GGA3: variants seen among roughly 807,000 people sequenced by gnomAD.
GGA3 encodes ADP-ribosylation factor-binding protein GGA3.
Under a neutral mutation model 77.5 loss-of-function variants are expected in GGA3, and 57 were observed. The observed-to-expected ratio is 0.74, with a 90% CI of 0.59 to 0.92. The LOEUF (loss-of-function observed/expected upper bound fraction) is 0.92. Ranked by LOEUF, GGA3 falls within the 40% of genes least tolerant of loss-of-function variation. GGA3 has a pLI of 0.00. For synonymous variants in GGA3, 416 were observed against 383.7 expected (o/e 1.08, Z -0.98); for missense variants, 970 against 914.9 (o/e 1.06, Z -0.78).
chr17:75,240,592 G>C (rs1260882911), intron 11 of GGA3, 180 bp from the exon 12 acceptor site: 1 of 657,758 alleles, frequency 1.5e-6, no homozygotes, highest in Non-Finnish European at 2.6e-6. Flanking sequence ...TGCAGAAGCG[G>C]GGGGCCTGTG....
At position 75,243,542 on chromosome 17, in the gene GGA3, A is replaced by G; in HGVS notation, c.329T>C (p.Val110Ala). ...KYLGDRVSEK[V>A]KTKVIELLYS... The stretch of plus-strand genomic sequence containing the variant: ...CAGCAGCTCAATAACCTTGGTCTTC[A>G]CTTTCTCAGACACCCTGTCCCCCAG... The change falls in exon 5 of 17, where the codon GTG (valine) becomes GCG (alanine). Residue 110 changes from valine (V) to alanine (A), a missense_variant. By Grantham distance (64) the Val-to-Ala change is moderately conservative (BLOSUM62 0). Coordinates refer to ENST00000537686, the MANE Select transcript of GGA3 (RefSeq NM_138619.4). 6.2e-7 allele frequency: 1 copy of G among 1,614,020 alleles called. No individual in the cohort carries two copies.
upstream of GGA3, chr17:75,262,324 G>A: frequency 1.3e-6 from 1 of 767,278 alleles, no homozygotes; most frequent in African/African-American, 1.7e-5. Context: ...GCCTGCTTGG[G>A]GAATGTCCTC....
chr17:75,261,943 C>T (rs772064367), upstream of GGA3: 2 of 1,608,630 alleles, frequency 1.2e-6, no homozygotes, highest in Non-Finnish European at 1.7e-6. Flanking sequence ...ATGGTCGGGC[C>T]TGGCGTTGGG....
At chr17:75,242,667 G>A (rs535019906) in intron 7 of GGA3, among the ~76,000 whole-genome samples, 164 bp downstream of exon 7, 4 of 152,224 alleles carry the variant, frequency 2.6e-5, no homozygotes, top group South Asian at 2.1e-4. Context: ...CCGTGCTCCC[G>A]CGGAAGCTAT....
At position 75,239,099 on chromosome 17, in the gene GGA3, G is replaced by GT. The variant is rs1198314585; in HGVS notation, c.1781-17dup. On this transcript the variant is annotated splice_polypyrimidine_tract_variant and intron_variant, in intron 14 of 16. Coordinates refer to ENST00000537686, the MANE Select transcript of GGA3 (RefSeq NM_138619.4). ...AGGGCACTGCCTGTAAGAACGTGAC[G>GT]TGAGTGTGGGAGGAGCAGCACCAGA... 6.2e-7 allele frequency: 1 copy of GT among 1,608,670 alleles called. No individual in the cohort carries two copies. The highest frequency in any genetic ancestry group is 8.5e-7 in the Non-Finnish European group (1 of 1,178,284).
chr17:75,237,484 G>A lies in GGA3; in HGVS notation c.*795C>T. On this transcript the variant is annotated 3_prime_UTR_variant, in exon 17 of 17. Transcript: ENST00000537686. The stretch of plus-strand genomic sequence containing the variant: ...CAAGAGGTAGTCAGTAGGATGGCCT[G>A]TCCCCACGGCTGGAGGCACGCTTTT... 2 of 1,535,686 alleles carry A rather than the reference G, an allele frequency of 1.3e-6. No homozygotes were observed. Among genetic ancestry groups the A allele is most frequent in the Non-Finnish European group, 1.7e-6 (2 of 1,146,496 alleles).
At chr17:75,245,466 T>C (rs2076721692) in intron 3 of GGA3, among the ~76,000 whole-genome samples, 1 of 152,188 alleles carries the variant, frequency 6.6e-6, no homozygotes, top group Non-Finnish European at 1.5e-5. Flanking sequence ...TAAAAATGTT[T>C]CCAGACACTG....
chr17:75,259,598 A>G (rs2077275335), intron 1 of GGA3, among the ~76,000 whole-genome samples: 1 of 152,184 alleles, frequency 6.6e-6, no homozygotes, highest in South Asian at 2.1e-4. Flanking sequence ...TTGATTCAAC[A>G]CAAGTGCGCT....
In GGA3 at chr17:75,238,354, G is replaced by A; in HGVS notation, c.2097C>T (p.Ala699=). The A allele has an allele frequency of 6.2e-7, 1 of 1,613,862 alleles. No homozygotes were observed. Among genetic ancestry groups the A allele is most frequent in the Non-Finnish European group, 8.5e-7 (1 of 1,179,982 alleles). The change falls in exon 17 of 17, where the codon GCC becomes GCT. Residue 699 remains alanine, a synonymous_variant. Coordinates refer to ENST00000537686, the MANE Select transcript of GGA3 (RefSeq NM_138619.4). Reference sequence around the variant, plus strand: ...CCTCTGTGCTCAGCTGCTCCCCCAGGGCGAAGGTCAGCTTATACCGAAGCC... The same window carrying A: ...CCTCTGTGCTCAGCTGCTCCCCCAGAGCGAAGGTCAGCTTATACCGAAGCC... ...KVRLRYKLTF[A]LGEQLSTEVG...
In GGA3 at chr17:75,241,024, A is replaced by G. The variant is rs2076536337; in HGVS notation, c.980T>C (p.Ile327Thr). ...GGTCGTGTCCAGCTCCGCAAGGTCG[A>G]TGAGCGTGCCTTGGTTACTGCACTG... is the stretch of plus-strand genomic sequence containing the variant. ...NSQCSNQGTL[I>T]DLAELDTTNS... The change falls in exon 11 of 17, where the codon ATC becomes ACC. Residue 327 changes from isoleucine to threonine, a missense_variant. Physicochemically the swap from Ile to Thr is moderately conservative, Grantham distance 89. Coordinates refer to ENST00000537686, the MANE Select transcript of GGA3 (RefSeq NM_138619.4). 4 of 1,614,096 alleles carry G rather than the reference A, an allele frequency of 2.5e-6. No homozygotes were observed. The East Asian group carries it at 6.7e-5, about 27-fold the overall frequency.
At chr17:75,249,783 A>G (rs1484282523) in intron 1 of GGA3, among the ~76,000 whole-genome samples, 1 of 152,186 alleles carries the variant, frequency 6.6e-6, no homozygotes, top group African/African-American at 2.4e-5. Context: ...AGTACAGAGT[A>G]AAATGTGGAT....
chr17:75,242,448 G>A lies in GGA3; in HGVS notation c.635C>T (p.Thr212Ile). ...TTCCTCTAACGTGTGCAGACGCTTG[G>A]TCACCTTCTGGATCCGTGCCTCGTC... ...KEDEARIQKV[T>I]KRLHTLEEVN... Residue 212 changes from threonine (T) to isoleucine (I), a missense_variant, in exon 8 of 17, where the codon ACC (threonine) becomes ATC (isoleucine). By Grantham distance (89) the Thr-to-Ile change is moderately conservative. Transcript: ENST00000537686. The A allele has an allele frequency of 6.2e-7, 1 of 1,614,156 alleles. No individual in the cohort carries two copies. The highest frequency in any genetic ancestry group is 8.5e-7 in the Non-Finnish European group (1 of 1,179,996).
chr17:75,243,023 C>T, intron 6 of GGA3, 40 bp downstream of exon 6: 6 of 1,539,284 alleles, frequency 3.9e-6, no homozygotes, highest in Admixed American at 1.7e-5. Context: ...CTGCCACCCA[C>T]TCTCGTATGA....
chr17:75,258,021 CTT>C (rs1428029221), intron 1 of GGA3, among the ~76,000 whole-genome samples: 3 of 152,294 alleles, frequency 2.0e-5, no homozygotes, highest in Admixed American at 2.0e-4. Context: ...GATCAATGTA[CTT>C]TGTAATCTCC....
Position 75,243,489 on chromosome 17 carries a change from C to G in GGA3, c.382G>C (p.Glu128Gln). The part of the protein sequence containing the change: ...LYSWTMALPE[E>Q]AKIKDAYHML... ...TGGTAGGCGTCTTTGATCTTTGCTT[C>G]TTCTGGCAGGGCCATGGTCCAGCTG... Residue 128 changes from glutamate to glutamine, a missense_variant, in exon 5 of 17, where the codon GAA (glutamate) becomes CAA (glutamine). By Grantham distance (29) the Glu-to-Gln change is conservative. Transcript: ENST00000537686. 1 of 1,614,236 alleles carries G rather than the reference C, an allele frequency of 6.2e-7. No individual in the cohort carries two copies. Among genetic ancestry groups the G allele is most frequent in the Non-Finnish European group, 8.5e-7 (1 of 1,180,036 alleles).
At chr17:75,262,007 G>A (rs777750975), upstream of GGA3, 3 of 1,452,138 alleles carry the variant, frequency 2.1e-6, no homozygotes, top group African/African-American at 5.8e-5. Context: ...GAGCAGCGGC[G>A]GGGGGGCGCT....
intron 1 of GGA3, among the ~76,000 whole-genome samples, chr17:75,257,334 C>T (rs1354915483): frequency 1.4e-5 from 2 of 144,888 alleles, no homozygotes; most frequent in East Asian, 2.1e-4. Flanking sequence ...TCTAGTCATA[C>T]TCCTATTCAA....
intron 10 of GGA3, 149 bp downstream of exon 10, chr17:75,241,251 C>T (rs909205059): frequency 1.7e-5 from 13 of 780,194 alleles, no homozygotes; most frequent in African/African-American, 1.2e-4. Flanking sequence ...TCCAGGCCTC[C>T]GGGAAGCCGG....
At chr17:75,245,119 T>A (rs1165291362) in intron 3 of GGA3, among the ~76,000 whole-genome samples, 1 of 152,220 alleles carries the variant, frequency 6.6e-6, no homozygotes, top group East Asian at 1.9e-4. Context: ...CCAACAATTG[T>A]GCAGGGAATG....
Sources: gnomAD v4.1 joint callset for allele counts (sites outside exome capture counted in the v4.1 genomes callset) on GRCh38, gnomAD v4.1.1 for gene constraint, MANE v1.5 for transcripts, NCBI Gene and HGNC (gene_info 2026-07-23, HGNC 2026-07-21) for gene names.